CELA3A: variants seen among roughly 807,000 people sequenced by gnomAD.
CELA3A encodes the protein chymotrypsin-like elastase family member 3A.
Under a neutral mutation model 38.6 loss-of-function variants are expected in CELA3A, and 35 were observed. The ratio of observed to expected loss-of-function variants is 0.91; its 90% CI spans 0.69 to 1.20. The LOEUF is 1.20. Among genes scored for constraint, CELA3A ranks in the 50% most tolerant of loss-of-function variants. CELA3A has a pLI of 0.00. For missense variants in CELA3A, 343 were observed against 354.2 expected (o/e 0.97, Z 0.25); for synonymous variants, 143 against 136.7 (o/e 1.05, Z -0.32).
In CELA3A at chr1:22,008,152, C is replaced by CTTTTT. The variant is rs71016968; in HGVS notation, c.642+649_642+653dup. Among the ~76,000 whole-genome samples the CTTTTT allele has an allele frequency of 3.6e-4, 31 of 86,852 alleles. 2 individuals carry two copies. The highest frequency in any genetic ancestry group is 2.5e-3 in the South Asian group (5 of 1,984). 57.0% of individuals were successfully genotyped at this position (86,852 alleles called of 152,430 possible). A position where few individuals can be genotyped will look rare whatever the true frequency, so the allele number is the denominator to read the frequency against. ...CTGGCGACACAGCAAGACGTTGTCT[C>CTTTTT]TTTTTTTTTTTTTTTTGAGACAGGA... On this transcript the variant is annotated intron_variant, in intron 6 of 7. Transcript: ENST00000290122.
In CELA3A at chr1:22,006,996, G is replaced by T; in HGVS notation, c.481G>T (p.Gly161Cys). The change falls in exon 5 of 8, where the codon GGC (glycine) becomes TGC (cysteine). Residue 161 changes from glycine to cysteine, a missense_variant. By Grantham distance (159) the Gly-to-Cys change is radical. Transcript: ENST00000290122. ...LPNKTPCYIT[G>C]WGRLYTNGPL... ...CAACAAGACACCCTGCTACATCACC[G>T]GCTGGGGCCGTCTCTATAGTACGTG... The T allele has an allele frequency of 6.2e-7, 1 of 1,612,378 alleles. No individual in the cohort carries two copies. Among genetic ancestry groups the T allele is most frequent in the Non-Finnish European group, 8.5e-7 (1 of 1,179,420 alleles).
intron 2 of CELA3A, among the ~76,000 whole-genome samples, chr1:22,003,656 C>T (rs1318898400): frequency 5.3e-5 from 8 of 149,860 alleles, no homozygotes; most frequent in South Asian, 2.1e-4. Flanking sequence ...ACTCCAGCCC[C>T]GGGCAACAGA....
At position 22,006,744 on chromosome 1, in the gene CELA3A, G is replaced by A. The variant is rs74062235; in HGVS notation, c.363-134G>A. 2.4e-4 allele frequency: 181 copies of A among 751,074 alleles called. 2 individuals carry two copies. The highest frequency in any genetic ancestry group is 1.4e-3 in the African/African-American group (64 of 44,514). The allele number at this position is 751,074 out of a possible 1,614,324, so 46.5% of individuals were successfully genotyped here. On this transcript the variant is annotated intron_variant, in intron 4 of 7. Coordinates refer to ENST00000290122, the MANE Select transcript of CELA3A (RefSeq NM_005747.5). ...TAATAATAATAATAATAATAATAAT[G>A]ATGATGAAAGAGTGGATTTGGAGGG...
Position 22,006,923 on chromosome 1 carries a change from A to G in CELA3A, c.408A>G (p.Gly136=). Residue 136 remains glycine (G), a synonymous_variant, in exon 5 of 8, where the codon GGA becomes GGG. Transcript: ENST00000290122. Reference sequence around the variant, plus strand: ...AGCTCTCACGCAGCGCCCAGCTGGGAGATGCCGTCCAGCTCGCCTCACTCC... The same window carrying G: ...AGCTCTCACGCAGCGCCCAGCTGGGGGATGCCGTCCAGCTCGCCTCACTCC... ...LIKLSRSAQL[G]DAVQLASLPP... 1 of 1,612,260 alleles carries G rather than the reference A, an allele frequency of 6.2e-7. No homozygotes were observed. Among genetic ancestry groups the G allele is most frequent in the Non-Finnish European group, 8.5e-7 (1 of 1,179,404 alleles).
In CELA3A at chr1:22,007,527, C is replaced by T; in HGVS notation, c.642+12C>T. 1 of 1,605,888 alleles carries T rather than the reference C, an allele frequency of 6.2e-7. No homozygotes were observed. The highest frequency in any genetic ancestry group is 8.5e-7 in the Non-Finnish European group (1 of 1,175,708). ...GCTCCGGCTGCAACGTGAGTCAGCT[C>T]TTACCTGCCCGAGGTGGTGCTGGGT... On this transcript the variant is annotated intron_variant, in intron 6 of 7. Coordinates refer to ENST00000290122, the MANE Select transcript of CELA3A (RefSeq NM_005747.5).
rs758891222 is a variant in CELA3A at position 22,007,025 on chromosome 1, A to T, written c.499+11A>T. ...GGGGCCGTCTCTATAGTACGTGCTGACTTCTCTAGCTGGCCACAGAGACAG... is the reference window on the plus strand; with the variant it reads ...GGGGCCGTCTCTATAGTACGTGCTGTCTTCTCTAGCTGGCCACAGAGACAG... On this transcript the variant is annotated intron_variant, in intron 5 of 7. Transcript: ENST00000290122. 4 of 1,611,146 alleles carry T rather than the reference A, an allele frequency of 2.5e-6. No homozygotes were observed. The highest frequency in any genetic ancestry group is 2.2e-5 in the South Asian group (2 of 90,914).
In CELA3A at chr1:22,007,459, T is replaced by G. The variant is rs1434089465; in HGVS notation, c.586T>G (p.Ser196Ala). Residue 196 changes from serine (S) to alanine (A), a missense_variant, in exon 6 of 8, where the codon TCC (serine) becomes GCC (alanine). Ser to Ala is a moderately conservative substitution (Grantham distance 99). Transcript: ENST00000290122. ...KHCSRWNWWG[S>A]TVKKTMVCAG... ...CTGCTCCAGGTGGAACTGGTGGGGT[T>G]CCACCGTGAAGAAAACCATGGTGTG... The G allele has an allele frequency of 1.9e-6, 3 of 1,612,460 alleles. No homozygotes were observed. In the Admixed American group the frequency reaches 5.0e-5, roughly 27 times the overall value.
At chr1:22,008,708 G>T (rs1374742850) in intron 6 of CELA3A, among the ~76,000 whole-genome samples, 1 of 150,208 alleles carries the variant, frequency 6.7e-6, no homozygotes, top group African/African-American at 2.5e-5. Context: ...GCCGTGAGCC[G>T]AGATCGCGCC....
chr1:22,009,446 G>T (rs989944233), intron 6 of CELA3A, among the ~76,000 whole-genome samples: 13 of 151,352 alleles, frequency 8.6e-5, no homozygotes, highest in Non-Finnish European at 1.5e-4. Context: ...TTGGGAGGCT[G>T]AAGCAGGAGA....
rs533202854 is a variant in CELA3A at position 22,012,320 on chromosome 1, C to T, written c.796-130C>T. 7.1e-4 allele frequency: 913 copies of T among 1,285,914 alleles called. 168 individuals carry two copies. The highest frequency in any genetic ancestry group is 2.1e-3 in the Admixed American group (83 of 39,136). 79.7% of individuals were successfully genotyped at this position (1,285,914 alleles called of 1,614,324 possible). On this transcript the variant is annotated intron_variant, in intron 7 of 7. Coordinates refer to ENST00000290122, the MANE Select transcript of CELA3A (RefSeq NM_005747.5). ...TATCCCTACTACATAGAGGAGGAAA[C>T]TGAGGCTCAGAGAGGTCAATCCCTC...
chr1:22,003,943 A>T (rs1298829375), intron 2 of CELA3A, among the ~76,000 whole-genome samples: 2 of 150,832 alleles, frequency 1.3e-5, no homozygotes, highest in East Asian at 3.9e-4. Flanking sequence ...ACCTCAGGTG[A>T]TCCACCTGCC....
chr1:22,011,166 G>A (rs576813330), intron 7 of CELA3A: 3 of 151,718 alleles, frequency 2.0e-5, no homozygotes, highest in South Asian at 4.1e-4. Flanking sequence ...GATCACCTGA[G>A]GTCAGGAGTT....
intron 7 of CELA3A, chr1:22,010,513 A>G (rs1160170950): frequency 4.6e-6 from 1 of 218,910 alleles, no homozygotes; most frequent in Non-Finnish European, 9.0e-6. Context: ...GCTGCTTGGG[A>G]GGCTCAGGCA....
At position 22,005,726 on chromosome 1, in the gene CELA3A, C is replaced by T; in HGVS notation, c.292C>T (p.Gln98Ter). The stretch of plus-strand genomic sequence containing the variant: ...CCTTGCTGTGAAGGAGGGCCCCGAG[C>T]AGGTGATCCCCATCAACTCTGAGGA... Reference protein sequence around the residue: ...YNLAVKEGPEQVIPINSEELF... With the variant: ...YNLAVKEGPE The change falls in exon 4 of 8, where the codon CAG (glutamine) becomes TAG (stop). Residue 98 changes from glutamine to a stop codon, truncating the protein, a stop_gained. Transcript: ENST00000290122. LOFTEE classifies it high-confidence loss of function. 6.2e-7 allele frequency: 1 copy of T among 1,612,340 alleles called. No individual in the cohort carries two copies. Among genetic ancestry groups the T allele is most frequent in the Non-Finnish European group, 8.5e-7 (1 of 1,179,448 alleles).
chr1:22,011,476 T>C lies in CELA3A; in HGVS notation c.796-974T>C, dbSNP rs1644983482. ...GACCCATGTTAAAAAAATATATATA[T>C]AAGGCCAGGCACGGTGGCTCATGCC... On this transcript the variant is annotated intron_variant, in intron 7 of 7. Coordinates refer to ENST00000290122, the MANE Select transcript of CELA3A (RefSeq NM_005747.5). 1.5e-5 allele frequency among the ~76,000 whole-genome samples: 2 copies of C among 129,242 alleles called. 1 individual carries two copies. The highest frequency in any genetic ancestry group is 3.2e-5 in the Non-Finnish European group (2 of 62,362). 84.8% of individuals were successfully genotyped at this position (129,242 alleles called of 152,430 possible).
chr1:22,003,458 A>G (rs4992899), intron 2 of CELA3A, among the ~76,000 whole-genome samples: 39,132 of 150,292 alleles, frequency 0.26, 9,565 homozygotes, highest in African/African-American at 0.62. Flanking sequence ...GGAGTGAGGG[A>G]TCTTGTAAGG....
At chr1:22,004,149 G>C (rs1222268653) in intron 2 of CELA3A, among the ~76,000 whole-genome samples, 1 of 140,898 alleles carries the variant, frequency 7.1e-6, no homozygotes, top group Admixed American at 7.4e-5. Context: ...TCAGCTTACT[G>C]CAGCCTTGAC....
intron 2 of CELA3A, among the ~76,000 whole-genome samples, chr1:22,004,425 A>G (rs1324540659): frequency 6.6e-6 from 1 of 151,000 alleles, no homozygotes; most frequent in Non-Finnish European, 1.5e-5. Flanking sequence ...TGGCTACCAT[A>G]TTGGACAGCA....
intron 2 of CELA3A, among the ~76,000 whole-genome samples, chr1:22,004,289 C>T (rs1396439730): frequency 6.6e-6 from 1 of 150,660 alleles, no homozygotes; most frequent in African/African-American, 2.5e-5. Flanking sequence ...CCCAGGCTTG[C>T]CTCGAACTTC....
Sources: allele counts gnomAD v4.1 joint callset (sites outside exome capture counted in the v4.1 genomes callset), GRCh38; gene constraint gnomAD v4.1.1; transcripts MANE v1.5; gene names NCBI Gene and HGNC (gene_info 2026-07-23, HGNC 2026-07-21).